CHTF8: variants seen among roughly 807,000 people sequenced by gnomAD.
CHTF8 encodes chromosome transmission fidelity protein 8 homolog.
A neutral mutation model predicts 11.0 loss-of-function variants in CHTF8; 6 were observed. That is an observed-to-expected ratio of 0.55 (90% CI 0.30 to 1.08). The LOEUF (loss-of-function observed/expected upper bound fraction) is 1.08, where lower values mean the gene tolerates loss of function less well. Ranked by LOEUF, CHTF8 falls within the 50% of genes least tolerant of loss-of-function variation. CHTF8 has a pLI of 0.07. For missense variants in CHTF8, 140 were observed against 153.1 expected, an observed-to-expected ratio of 0.91 and a Z score of 0.45; for synonymous variants, 53 against 60.5, an observed-to-expected ratio of 0.88 and a Z score of 0.57.
chr16:69,129,240 A>C (rs7197515), intron 1 of CHTF8, among the ~76,000 whole-genome samples: 42,942 of 151,612 alleles, frequency 0.28, 6,864 homozygotes, highest in African/African-American at 0.43. Context: ...ATCATCCTGG[A>C]TAACACAGTG....
In CHTF8 at chr16:69,119,417, G is replaced by A. The variant is rs1187079933; in HGVS notation, c.*1008C>T. 4 of 702,890 alleles carry A rather than the reference G, an allele frequency of 5.7e-6. No individual in the cohort carries two copies. Among genetic ancestry groups the A allele is most frequent in the South Asian group, 1.5e-5 (1 of 67,578 alleles). The allele number at this position is 702,890 out of a possible 1,614,324, so 43.5% of individuals were successfully genotyped here. ...GCTGAATTAGGGCCTATGGGGCCAGGAGCCCTTGACATGGGAGATGGATTT... is the reference window on the plus strand; with the variant it reads ...GCTGAATTAGGGCCTATGGGGCCAGAAGCCCTTGACATGGGAGATGGATTT... On this transcript the variant is annotated 3_prime_UTR_variant, in exon 4 of 4. Coordinates refer to ENST00000448552, the MANE Select transcript of CHTF8 (RefSeq NM_001039690.5).
intron 2 of CHTF8, 28 bp downstream of exon 2, chr16:69,121,408 A>T: frequency 6.3e-7 from 1 of 1,593,872 alleles, no homozygotes; most frequent in South Asian, 1.1e-5. Context: ...ATTTCAAGCC[A>T]AATTTTAAAA....
Position 69,118,382 on chromosome 16 carries a change from G to T in CHTF8, c.*2043C>A, listed in dbSNP as rs1486357781. On this transcript the variant is annotated 3_prime_UTR_variant, in exon 4 of 4. Coordinates refer to ENST00000448552, the MANE Select transcript of CHTF8 (RefSeq NM_001039690.5). ...CCCAGGGAAAGGTATGGCAGTAGAG[G>T]ATGACCAGGTCCAAGCTGCCCAGGT... 2.5e-6 allele frequency: 4 copies of T among 1,611,958 alleles called. No homozygotes were observed. Among genetic ancestry groups the T allele is most frequent in the African/African-American group, 2.7e-5 (2 of 74,872 alleles).
chr16:69,122,558 TGG>T (rs1174601284), intron 1 of CHTF8, among the ~76,000 whole-genome samples: 5 of 147,224 alleles, frequency 3.4e-5, no homozygotes, highest in East Asian at 2.0e-4. Flanking sequence ...TTTTTTTTTT[TGG>T]GAGGGAGTCT....
At position 69,118,298 on chromosome 16, in the gene CHTF8, T is replaced by G; in HGVS notation, c.*2127A>C. 9.0e-7 allele frequency: 1 copy of G among 1,109,992 alleles called. No individual in the cohort carries two copies. Among genetic ancestry groups the G allele is most frequent in the Non-Finnish European group, 1.4e-6 (1 of 721,810 alleles). The allele number at this position is 1,109,992 out of a possible 1,614,324, so 68.8% of individuals were successfully genotyped here. A position where few individuals can be genotyped will look rare whatever the true frequency, so the allele number is the denominator to read the frequency against. On this transcript the variant is annotated 3_prime_UTR_variant, in exon 4 of 4. Coordinates refer to ENST00000448552, the MANE Select transcript of CHTF8 (RefSeq NM_001039690.5). Reference sequence around the variant, plus strand: ...CAGGCCCAGTCAGTCAAGCAGAAACTGCATTCGGTGGGTCTTTCTTTGAAG... The same window carrying G: ...CAGGCCCAGTCAGTCAAGCAGAAACGGCATTCGGTGGGTCTTTCTTTGAAG...
chr16:69,128,138 C>T (rs1408070399), intron 1 of CHTF8, among the ~76,000 whole-genome samples: 2 of 152,008 alleles, frequency 1.3e-5, no homozygotes, highest in Non-Finnish European at 2.9e-5. Flanking sequence ...TGGTCTTGAA[C>T]TCCTGACCTC....
chr16:69,120,531 C>T lies in CHTF8; in HGVS notation c.260G>A (p.Gly87Asp). 2 of 1,614,102 alleles carry T rather than the reference C, an allele frequency of 1.2e-6. No individual in the cohort carries two copies. Among genetic ancestry groups the T allele is most frequent in the Non-Finnish European group, 1.7e-6 (2 of 1,180,012 alleles). Residue 87 changes from glycine to aspartate, a missense_variant, in exon 4 of 4, where the codon GGC becomes GAC. Coordinates refer to ENST00000448552, the MANE Select transcript of CHTF8 (RefSeq NM_001039690.5). The surrounding 1 kb of genome is among the most constrained non-coding windows in gnomAD (Gnocchi z 4.0). Reference sequence around the variant, plus strand: ...CAGGTACCGGGTGCCAGTCTCGCGGCCAAGCTCATCACAGTCCTGATCCCC... The same window carrying T: ...CAGGTACCGGGTGCCAGTCTCGCGGTCAAGCTCATCACAGTCCTGATCCCC... ...TPGDQDCDEL[G>D]RETGTRYLVT...
chr16:69,123,149 C>G (rs528690010), intron 1 of CHTF8, among the ~76,000 whole-genome samples: 7 of 152,102 alleles, frequency 4.6e-5, no homozygotes, highest in Non-Finnish European at 1.0e-4. Flanking sequence ...CTTTACTGCC[C>G]GGGCTTAAGT....
rs775497648 is a variant in CHTF8 at position 69,119,642 on chromosome 16, G to T, written c.*783C>A. 1.5e-6 allele frequency: 1 copy of T among 682,594 alleles called. No homozygotes were observed. The highest frequency in any genetic ancestry group is 2.7e-6 in the Non-Finnish European group (1 of 374,186). 42.3% of individuals were successfully genotyped at this position (682,594 alleles called of 1,614,324 possible). On this transcript the variant is annotated 3_prime_UTR_variant, in exon 4 of 4. Coordinates refer to ENST00000448552, the MANE Select transcript of CHTF8 (RefSeq NM_001039690.5). ...TGAGGTCCAGCCATTCTTAAGTTAAGACCAGATCCTGTGCCCAAGAGGCCA... is the reference window on the plus strand; with the variant it reads ...TGAGGTCCAGCCATTCTTAAGTTAATACCAGATCCTGTGCCCAAGAGGCCA...
In CHTF8 at chr16:69,123,925, T is replaced by TAAA. The variant is rs757493986; in HGVS notation, c.-35-2435_-35-2433dup. ...CAACATGATGAAACCCCATCTCTAC[T>TAAA]AAAAAAAAAAAAAAAAAAAAAACAA... is the stretch of plus-strand genomic sequence containing the variant. On this transcript the variant is annotated intron_variant, in intron 1 of 3. Transcript: ENST00000448552. Among the ~76,000 whole-genome samples the TAAA allele has an allele frequency of 2.1e-3, 158 of 76,916 alleles. 2 individuals carry two copies. The highest frequency in any genetic ancestry group is 5.5e-3 in the African/African-American group (112 of 20,492). 50.5% of individuals were successfully genotyped at this position (76,916 alleles called of 152,430 possible).
chr16:69,121,256 A>C, intron 2 of CHTF8, 86 bp from the exon 3 acceptor site: 2 of 1,353,310 alleles, frequency 1.5e-6, no homozygotes, highest in Non-Finnish European at 2.1e-6. Context: ...GGCCCAAAGG[A>C]CCTCTTTGTT....
intron 1 of CHTF8, among the ~76,000 whole-genome samples, chr16:69,131,885 C>T (rs949032029): frequency 2.0e-5 from 3 of 151,982 alleles, no homozygotes; most frequent in African/African-American, 7.2e-5. Flanking sequence ...CTCCAACCAC[C>T]CTTCCAATTA....
chr16:69,124,569 G>A (rs946202591), intron 1 of CHTF8, among the ~76,000 whole-genome samples: 4 of 150,874 alleles, frequency 2.7e-5, no homozygotes, highest in South Asian at 2.1e-4. Flanking sequence ...GATTACAGGC[G>A]CCCGCCACCA....
In CHTF8 at chr16:69,119,923, G is replaced by T. The variant is rs1056360856; in HGVS notation, c.*502C>A. 1 of 702,484 alleles carries T rather than the reference G, an allele frequency of 1.4e-6. No individual in the cohort carries two copies. The highest frequency in any genetic ancestry group is 1.7e-5 in the African/African-American group (1 of 57,262). The allele number at this position is 702,484 out of a possible 1,614,324, so 43.5% of individuals were successfully genotyped here. ...CATGGGACCACCACCTCTGGGGTCA[G>T]GACCTGCTCCCAGGAGACCACCTGC... is the stretch of plus-strand genomic sequence containing the variant. On this transcript the variant is annotated 3_prime_UTR_variant, in exon 4 of 4. Coordinates refer to ENST00000448552, the MANE Select transcript of CHTF8 (RefSeq NM_001039690.5).
Position 69,132,524 on chromosome 16 carries a change from G to A in CHTF8, c.-76C>T, listed in dbSNP as rs1021384775. 1.6e-5 allele frequency: 5 copies of A among 307,196 alleles called. No homozygotes were observed. Among genetic ancestry groups the A allele is most frequent in the Admixed American group, 5.2e-5 (1 of 19,248 alleles). The allele number at this position is 307,196 out of a possible 1,614,324, so 19.0% of individuals were successfully genotyped here. On this transcript the variant is annotated 5_prime_UTR_variant, in exon 1 of 4. Coordinates refer to ENST00000448552, the MANE Select transcript of CHTF8 (RefSeq NM_001039690.5). ...CCGAGCGCGGCGCCGCGCGGCCAAC[G>A]GGCGACAACCGAACCTCCCGCCGCC...
intron 1 of CHTF8, among the ~76,000 whole-genome samples, chr16:69,127,601 CTTTTTTTTTT>C (rs71383961): frequency 9.6e-6 from 1 of 104,392 alleles, no homozygotes; most frequent in African/African-American, 3.8e-5. Flanking sequence ...CTCCCGGCAA[CTTTTTTTTTT>C]TTTTTTTTTT....
rs373873343 is a variant in CHTF8, at chr16:69,123,731, GTGAT to G, written c.-35-2242_-35-2239del. On this transcript the variant is annotated intron_variant, in intron 1 of 3. Transcript: ENST00000448552. ...AGTGAATGGTAAGCTGACTTCTGAT[GTGAT>G]TCTTATCAAAAGCTTTCACCACCTT... Among the ~76,000 whole-genome samples the G allele has an allele frequency of 5.5e-3, 837 of 152,242 alleles. 6 individuals are homozygous for G. Among genetic ancestry groups the G allele is most frequent in the Non-Finnish European group, 9.9e-3 (674 of 68,022 alleles).
At position 69,121,185 on chromosome 16, in the gene CHTF8, C is replaced by T; in HGVS notation, c.24-15G>A. The T allele has an allele frequency of 6.2e-7, 1 of 1,606,552 alleles. No individual in the cohort carries two copies. The highest frequency in any genetic ancestry group is 8.5e-7 in the Non-Finnish European group (1 of 1,174,930). ...CAGCCCTCGCACTGCAAGCAAAGGG[C>T]TGGCGGTTACAATATTTTTGAGGGG... On this transcript the variant is annotated splice_polypyrimidine_tract_variant and intron_variant, in intron 2 of 3. Transcript: ENST00000448552.
intron 1 of CHTF8, among the ~76,000 whole-genome samples, chr16:69,121,870 C>A (rs1034288454): frequency 2.0e-5 from 3 of 152,142 alleles, no homozygotes; most frequent in African/African-American, 7.2e-5. Context: ...GGGGTTTCAC[C>A]ATGTTAGCCA....
Sources: allele counts gnomAD v4.1 joint callset (sites outside exome capture counted in the v4.1 genomes callset), GRCh38; gene constraint gnomAD v4.1.1; non-coding constraint Gnocchi (gnomAD v3.1); transcripts MANE v1.5; gene names NCBI Gene and HGNC (gene_info 2026-07-23, HGNC 2026-07-21).